OSBPL3: variants seen among roughly 807,000 people sequenced by gnomAD.
The protein encoded by OSBPL3 is oxysterol binding protein like 3, also known as oxysterol-binding protein-related protein 3.
OSBPL3 carries 65 observed loss-of-function variants against 120.1 expected under a neutral mutation model. That is an observed-to-expected ratio of 0.54 (90% confidence interval 0.44 to 0.67). The LOEUF (loss-of-function observed/expected upper bound fraction) is 0.67, where lower values mean the gene tolerates loss of function less well. Among genes scored for constraint, OSBPL3 ranks in the 30% least tolerant of loss-of-function variants. The pLI, the probability that OSBPL3 is intolerant of heterozygous loss-of-function variation, is 0.00. For missense variants in OSBPL3, 1,004 were observed against 1,082.1 expected (o/e 0.93, Z 1.01); for synonymous variants, 416 against 402.6 (o/e 1.03, Z -0.40).
At chr7:24,981,226 G>T (rs1818309768), upstream of OSBPL3, among the ~76,000 whole-genome samples, 1 of 152,196 alleles carries the variant, frequency 6.6e-6, no homozygotes, top group Non-Finnish European at 1.5e-5. The surrounding 1 kb of genome is among the most constrained non-coding windows in gnomAD (Gnocchi z 7.3). Context: ...TTCGAAAGTG[G>T]TTTAGCGCGT....
intron 1 of OSBPL3, among the ~76,000 whole-genome samples, chr7:24,960,595 C>G (rs1332724427): frequency 6.6e-6 from 1 of 151,708 alleles, no homozygotes; most frequent in Non-Finnish European, 1.5e-5. Context: ...AAACACTTAC[C>G]CTCTTCTGAA....
upstream of OSBPL3, chr7:24,981,553 CT>C (rs1405461115): frequency 1.3e-5 from 2 of 152,482 alleles, no homozygotes; most frequent in Non-Finnish European, 2.9e-5. This position sits in a 1 kb window ranked among gnomAD's most constrained non-coding sequence, Gnocchi z 7.3. Context: ...TTCTGAGACT[CT>C]TTCCGGAGCT....
chr7:24,912,371 T>A lies in OSBPL3; in HGVS notation c.-149-19750A>T, dbSNP rs1274690247. 1.3e-5 allele frequency among the ~76,000 whole-genome samples: 2 copies of A among 152,194 alleles called. No homozygotes were observed. Among genetic ancestry groups the A allele is most frequent in the Non-Finnish European group, 2.9e-5 (2 of 68,040 alleles). ...GATTCCATCAAATTAATTTTAAAAATCAAATTCAGCAACCAGGGCCTTGAT... is the reference window on the plus strand; with the variant it reads ...GATTCCATCAAATTAATTTTAAAAAACAAATTCAGCAACCAGGGCCTTGAT... On this transcript the variant is annotated intron_variant, in intron 1 of 22. Transcript: ENST00000313367. This position sits in a 1 kb window ranked among gnomAD's most constrained non-coding sequence, Gnocchi z 4.5.
intron 7 of OSBPL3, among the ~76,000 whole-genome samples, chr7:24,864,743 T>G (rs947026436): frequency 2.6e-5 from 4 of 152,224 alleles, no homozygotes. Context: ...CTTTTCGGTT[T>G]TTAGTTCCCT....
chr7:24,976,755 G>A (rs947690882), intron 1 of OSBPL3, among the ~76,000 whole-genome samples: 2 of 152,130 alleles, frequency 1.3e-5, no homozygotes, highest in Non-Finnish European at 2.9e-5. Flanking sequence ...GAGTACTACT[G>A]AAATAGAATT....
At chr7:24,929,394 C>T (rs1811500961) in intron 1 of OSBPL3, among the ~76,000 whole-genome samples, 1 of 152,158 alleles carries the variant, frequency 6.6e-6, no homozygotes, top group South Asian at 2.1e-4. Context: ...CTCATTTCTT[C>T]CCTATTGATA....
chr7:24,870,820 C>T lies in OSBPL3; in HGVS notation c.293G>A (p.Cys98Tyr). The change falls in exon 5 of 23, where the codon TGC becomes TAC. Residue 98 changes from cysteine to tyrosine, a missense_variant. This residue lies in a region of OSBPL3 where 255 missense variants were observed against 248.7 expected (regional missense o/e 1.03). Coordinates refer to ENST00000313367, the MANE Select transcript of OSBPL3 (RefSeq NM_015550.4). ...CATCACTGAGAGCCCGACATCAATG[C>T]AGCCATGCAGCTTCTCTCTCTCTAT... ...TDIEREKLHGCIDVGLSVMSV... is the reference protein window; with the variant it reads ...TDIEREKLHGYIDVGLSVMSV... 2.5e-6 allele frequency: 4 copies of T among 1,613,280 alleles called. No homozygotes were observed. The highest frequency in any genetic ancestry group is 3.4e-6 in the Non-Finnish European group (4 of 1,179,214).
At chr7:24,980,370 A>C (rs548544278), upstream of OSBPL3, among the ~76,000 whole-genome samples, 1 of 152,016 alleles carries the variant, frequency 6.6e-6, no homozygotes, top group South Asian at 2.1e-4. Flanking sequence ...AGCGGATTCC[A>C]TGACGCGGCG....
At chr7:24,811,092 T>C (rs1486538130) in intron 19 of OSBPL3, among the ~76,000 whole-genome samples, 1 of 152,250 alleles carries the variant, frequency 6.6e-6, no homozygotes, top group Non-Finnish European at 1.5e-5. Flanking sequence ...TAATTGTTTT[T>C]AGGAACTTCC....
intron 1 of OSBPL3, among the ~76,000 whole-genome samples, chr7:24,954,679 G>C (rs1234112203): frequency 2.0e-5 from 3 of 152,112 alleles, no homozygotes; most frequent in Admixed American, 6.6e-5. Flanking sequence ...TCTTCCAACA[G>C]TACGTTGAAA....
intron 12 of OSBPL3, among the ~76,000 whole-genome samples, chr7:24,847,655 AT>A (rs2128219405): frequency 6.6e-6 from 1 of 152,368 alleles, no homozygotes; most frequent in South Asian, 2.1e-4. Flanking sequence ...AATGAACGTT[AT>A]GTATTTAACT....
In OSBPL3 at chr7:24,839,343, A is replaced by G. The variant is rs906430143; in HGVS notation, c.1495+1347T>C. 3.9e-5 allele frequency among the ~76,000 whole-genome samples: 6 copies of G among 152,200 alleles called. No homozygotes were observed. In the East Asian group the frequency reaches 9.6e-4, roughly 24 times the overall value. ...TTAAGGGCACCTTCCTAAACAGGCC[A>G]GTCTGCTTACTGAAGTCCTAAATCA... is the stretch of plus-strand genomic sequence containing the variant. On this transcript the variant is annotated intron_variant, in intron 14 of 22. Transcript: ENST00000313367.
At chr7:24,911,320 G>C (rs886931397) in intron 1 of OSBPL3, among the ~76,000 whole-genome samples, 1 of 152,134 alleles carries the variant, frequency 6.6e-6, no homozygotes, top group Non-Finnish European at 1.5e-5. Context: ...GCGGAAGCTT[G>C]GTAGAGTTTT....
intron 1 of OSBPL3, among the ~76,000 whole-genome samples, chr7:24,958,959 T>C (rs1815398214): frequency 1.3e-5 from 2 of 152,196 alleles, no homozygotes; most frequent in African/African-American, 4.8e-5. Context: ...TGGCTGGGAC[T>C]TGAATGACTA....
Position 24,964,652 on chromosome 7 carries a change from C to T in OSBPL3, c.-150+15234G>A, listed in dbSNP as rs1384502802. Among the ~76,000 whole-genome samples, 1 of 152,120 alleles carries T rather than the reference C, an allele frequency of 6.6e-6. No individual in the cohort carries two copies. The highest frequency in any genetic ancestry group is 1.9e-4 in the East Asian group (1 of 5,194). On this transcript the variant is annotated intron_variant, in intron 1 of 22. Transcript: ENST00000313367. The surrounding 1 kb of genome is among the most constrained non-coding windows in gnomAD (Gnocchi z 4.2). ...ATGGAGTCCTGGAACGGCAAAAGGACACTAAGGAAAAGCTAAGGAAATCTG... is the reference window on the plus strand; with the variant it reads ...ATGGAGTCCTGGAACGGCAAAAGGATACTAAGGAAAAGCTAAGGAAATCTG...
chr7:24,807,384 T>C (rs547045657), intron 20 of OSBPL3, among the ~76,000 whole-genome samples: 2 of 152,054 alleles, frequency 1.3e-5, no homozygotes, highest in East Asian at 1.9e-4. Context: ...TTCCAGCTAC[T>C]TGGGAGGCTG....
chr7:24,834,431 C>G lies in OSBPL3; in HGVS notation c.1746+55G>C, dbSNP rs920804993. ...TCTCTCTGATGGGCCCCGTGAATGG[C>G]CTCGTGGCTTGGGGACCGAGGCTGG... On this transcript the variant is annotated intron_variant, in intron 15 of 22. Transcript: ENST00000313367. The surrounding 1 kb of genome is among the most constrained non-coding windows in gnomAD (Gnocchi z 5.2). The G allele has an allele frequency of 7.7e-6, 12 of 1,566,300 alleles. No individual in the cohort carries two copies. The highest frequency in any genetic ancestry group is 1.9e-5 in the Admixed American group (1 of 53,542).
chr7:24,861,037 T>TA (rs1800456157), intron 10 of OSBPL3, among the ~76,000 whole-genome samples: 1 of 152,230 alleles, frequency 6.6e-6, no homozygotes, highest in Admixed American at 6.5e-5. Context: ...TTTACATAGC[T>TA]ACAAGCAATG....
At chr7:24,846,662 G>A (rs544431865) in intron 12 of OSBPL3, among the ~76,000 whole-genome samples, 2 of 152,248 alleles carry the variant, frequency 1.3e-5, no homozygotes, top group East Asian at 3.9e-4. Flanking sequence ...TATAAAACAG[G>A]AGAACTTGGT....
Sources: gnomAD v4.1 joint callset for allele counts (sites outside exome capture counted in the v4.1 genomes callset) on GRCh38, gnomAD v4.1.1 for gene constraint, gnomAD v4.1.1 regional missense constraint, Gnocchi (gnomAD v3.1) non-coding constraint, MANE v1.5 for transcripts, NCBI Gene and HGNC (gene_info 2026-07-23, HGNC 2026-07-21) for gene names.